Variants in CAMK1D observed in about 807,000 individuals in gnomAD.
CAMK1D encodes calcium/calmodulin-dependent protein kinase type 1D.
Under a neutral mutation model 47.7 loss-of-function variants are expected in CAMK1D, and 9 were observed. That is an observed-to-expected ratio of 0.19 (90% confidence interval 0.11 to 0.33). The LOEUF (loss-of-function observed/expected upper bound fraction) is 0.33, where lower values mean the gene tolerates loss of function less well. Ranked by LOEUF, CAMK1D falls within the 10% of genes least tolerant of loss-of-function variation. CAMK1D has a pLI of 1.00. For missense variants in CAMK1D, 291 were observed against 488.7 expected, an observed-to-expected ratio of 0.60 and a Z score of 3.81; for synonymous variants, 184 against 184.9, an observed-to-expected ratio of 0.99 and a Z score of 0.04.
At position 12,771,753 on chromosome 10, in the gene CAMK1D, G is replaced by T. The variant is rs954180963; in HGVS notation, c.565+1954G>T. Reference sequence around the variant, plus strand: ...TCATTTTTGAAAGGTCCAGTGCATGGCCAGGTGCAGTGGCTCACGCCTGTA... The same window carrying T: ...TCATTTTTGAAAGGTCCAGTGCATGTCCAGGTGCAGTGGCTCACGCCTGTA... On this transcript the variant is annotated intron_variant, in intron 5 of 10. Coordinates refer to ENST00000619168, the MANE Select transcript of CAMK1D (RefSeq NM_153498.4). Among the ~76,000 whole-genome samples, 4 of 152,284 alleles carry T rather than the reference G, an allele frequency of 2.6e-5. No homozygotes were observed. In the East Asian group the frequency reaches 7.7e-4, roughly 29 times the overall value.
At chr10:12,395,457 G>A (rs1303485733) in intron 1 of CAMK1D, among the ~76,000 whole-genome samples, 2 of 152,022 alleles carry the variant, frequency 1.3e-5, no homozygotes, top group African/African-American at 4.8e-5. Flanking sequence ...AGACATCACT[G>A]TGGAGGTTCC....
At chr10:12,743,874 T>C (rs906493028) in intron 3 of CAMK1D, among the ~76,000 whole-genome samples, 10 of 152,030 alleles carry the variant, frequency 6.6e-5, no homozygotes, top group African/African-American at 2.4e-4. Context: ...AATACAGAAA[T>C]TAGCTGGATG....
In CAMK1D at chr10:12,480,359, C is replaced by CGGGAGGCGGAGGTTGCA. The variant is rs758153696; in HGVS notation, c.93-72864_93-72848dup. On this transcript the variant is annotated intron_variant, in intron 1 of 10. Coordinates refer to ENST00000619168, the MANE Select transcript of CAMK1D (RefSeq NM_153498.4). ...CTGAGGCAGGAGAATCACTGGAACC[C>CGGGAGGCGGAGGTTGCA]GGGAGGCGGAGGTTGCAGTGAGCCG... 2.0e-3 allele frequency among the ~76,000 whole-genome samples: 302 copies of CGGGAGGCGGAGGTTGCA among 151,436 alleles called. 1 individual carries two copies. Among genetic ancestry groups the CGGGAGGCGGAGGTTGCA allele is most frequent in the South Asian group, 4.7e-3 (22 of 4,676 alleles).
At chr10:12,394,512 T>C (rs1838864774) in intron 1 of CAMK1D, among the ~76,000 whole-genome samples, 1 of 152,170 alleles carries the variant, frequency 6.6e-6, no homozygotes, top group African/African-American at 2.4e-5. Flanking sequence ...TAGGTATGCT[T>C]GAAAGGGGCT....
intron 1 of CAMK1D, among the ~76,000 whole-genome samples, chr10:12,545,969 C>T (rs1836356282): frequency 6.6e-6 from 1 of 152,064 alleles, no homozygotes; most frequent in Non-Finnish European, 1.5e-5. Flanking sequence ...GTTGAGCTGA[C>T]ATGTGTACGG....
At chr10:12,506,743 C>T (rs1285964955) in intron 1 of CAMK1D, among the ~76,000 whole-genome samples, 1 of 152,158 alleles carries the variant, frequency 6.6e-6, no homozygotes, top group Non-Finnish European at 1.5e-5. Flanking sequence ...TGGTCTCGGT[C>T]TCCTGACCTC....
chr10:12,712,033 G>T (rs1352825269), intron 3 of CAMK1D, among the ~76,000 whole-genome samples: 1 of 152,214 alleles, frequency 6.6e-6, no homozygotes, highest in Non-Finnish European at 1.5e-5. Context: ...AAATGTATCA[G>T]CTGTTCCTCT....
rs1183015885 is a variant in CAMK1D, at chr10:12,801,297, GTATCTATC to G, written c.641+10114_641+10121del. On this transcript the variant is annotated intron_variant, in intron 6 of 10. Transcript: ENST00000619168. ...TCCATCCATATTTCTGTCTGTGTGT[GTATCTATC>G]TATCTATCTATCTATCTATCTATCT... Among the ~76,000 whole-genome samples, 586 of 89,946 alleles carry G rather than the reference GTATCTATC, an allele frequency of 6.5e-3. 7 individuals carry two copies. Among genetic ancestry groups the G allele is most frequent in the African/African-American group, 0.016 (439 of 27,312 alleles). The allele number at this position is 89,946 out of a possible 152,430, so 59.0% of individuals were successfully genotyped here. A position where few individuals can be genotyped will look rare whatever the true frequency, so the allele number is the denominator to read the frequency against.
chr10:12,399,967 T>C (rs1839113951), intron 1 of CAMK1D, among the ~76,000 whole-genome samples: 1 of 152,138 alleles, frequency 6.6e-6, no homozygotes, highest in South Asian at 2.1e-4. Flanking sequence ...ATTGGTGAGA[T>C]GATGTGACTA....
intron 3 of CAMK1D, among the ~76,000 whole-genome samples, chr10:12,714,328 A>G (rs1031135811): frequency 5.3e-5 from 8 of 152,258 alleles, no homozygotes; most frequent in African/African-American, 1.9e-4. Context: ...GCAAAATGGA[A>G]CAGTACACTT....
chr10:12,530,199 C>T (rs1398222460), intron 1 of CAMK1D, among the ~76,000 whole-genome samples: 1 of 152,200 alleles, frequency 6.6e-6, no homozygotes, highest in Non-Finnish European at 1.5e-5. Flanking sequence ...GCACTGCCCC[C>T]GTTGAACCCG....
intron 3 of CAMK1D, among the ~76,000 whole-genome samples, chr10:12,746,351 A>G (rs1370681660): frequency 8.7e-5 from 13 of 149,878 alleles, no homozygotes; most frequent in Admixed American, 1.3e-4. Context: ...GCGACAGAGC[A>G]AGACTCCGTC....
Position 12,370,769 on chromosome 10 carries a change from C to T in CAMK1D, c.92+20859C>T, listed in dbSNP as rs535254399. 6.6e-5 allele frequency among the ~76,000 whole-genome samples: 10 copies of T among 152,182 alleles called. No homozygotes were observed. The East Asian group carries it at 1.2e-3, about 18-fold the overall frequency. The stretch of plus-strand genomic sequence containing the variant: ...GACTACAGGCATGCGCCACCACGCC[C>T]GGCTAATTTTTGTACTTTAGTAGAG... On this transcript the variant is annotated intron_variant, in intron 1 of 10. Transcript: ENST00000619168.
chr10:12,363,487 T>A (rs967383830), intron 1 of CAMK1D, among the ~76,000 whole-genome samples: 2 of 152,116 alleles, frequency 1.3e-5, no homozygotes, highest in Admixed American at 6.5e-5. Context: ...ACTCCTGACC[T>A]CTGGTGATCT....
At chr10:12,749,894 A>G (rs1835870388) in intron 3 of CAMK1D, among the ~76,000 whole-genome samples, 1 of 152,144 alleles carries the variant, frequency 6.6e-6, no homozygotes, top group Non-Finnish European at 1.5e-5. Flanking sequence ...GTGTCCGGCC[A>G]GAAAGTGTGT....
chr10:12,642,101 A>C (rs1839683989), intron 2 of CAMK1D, among the ~76,000 whole-genome samples: 6 of 152,068 alleles, frequency 3.9e-5, no homozygotes, highest in Admixed American at 3.9e-4. Flanking sequence ...TTTACCTGCT[A>C]ATTAGATTGC....
chr10:12,582,699 A>C (rs1200254962), intron 2 of CAMK1D, among the ~76,000 whole-genome samples: 1 of 152,220 alleles, frequency 6.6e-6, no homozygotes, highest in Admixed American at 6.5e-5. Flanking sequence ...TAGCAGAGCT[A>C]CTGATTTGTG....
At chr10:12,571,463 A>AG (rs996411759) in intron 2 of CAMK1D, among the ~76,000 whole-genome samples, 23 of 149,436 alleles carry the variant, frequency 1.5e-4, no homozygotes, top group East Asian at 9.7e-4. Flanking sequence ...CAAAAAAAAA[A>AG]AAAAAAAAGA....
chr10:12,757,332 A>G (rs1036365854), intron 3 of CAMK1D, among the ~76,000 whole-genome samples: 1 of 152,116 alleles, frequency 6.6e-6, no homozygotes, highest in South Asian at 2.1e-4. Flanking sequence ...TTCCCCAATC[A>G]CTTGACCCCT....
Sources: allele counts gnomAD v4.1 joint callset (sites outside exome capture counted in the v4.1 genomes callset), GRCh38; gene constraint gnomAD v4.1.1; transcripts MANE v1.5; gene names NCBI Gene and HGNC (gene_info 2026-07-23, HGNC 2026-07-21).